The following DAPK1 variants were observed in gnomAD, a reference collection of about 807,000 sequenced individuals.
The protein encoded by DAPK1 is death-associated protein kinase 1.
Under a neutral mutation model 144.9 loss-of-function variants are expected in DAPK1, and 56 were observed. The observed-to-expected ratio is 0.39, with a 90% CI of 0.31 to 0.48. DAPK1 has a LOEUF of 0.48. DAPK1 is among the 20% of genes least tolerant of loss of function. The probability of loss-of-function intolerance (pLI) is 0.95; values close to 1 mark genes in which losing one functional copy is unlikely to be tolerated. For missense variants in DAPK1, 1,454 were observed against 1,875.4 expected (o/e 0.78, Z 4.15); for synonymous variants, 690 against 749.0 (o/e 0.92, Z 1.29).
chr9:87,498,430 G>C (rs972653051), intron 1 of DAPK1: 1 of 304,568 alleles, frequency 3.3e-6, no homozygotes, highest in Non-Finnish European at 6.0e-6. Flanking sequence ...GGGTCGGCCG[G>C]GTAACGGAGA....
intron 2 of DAPK1, among the ~76,000 whole-genome samples, chr9:87,578,141 A>T (rs2118808773): frequency 6.6e-6 from 1 of 152,358 alleles, no homozygotes; most frequent in South Asian, 2.1e-4. Context: ...TTTGAAAGAG[A>T]AAATAGGACT....
intron 3 of DAPK1, among the ~76,000 whole-genome samples, chr9:87,625,129 G>A (rs1240402561): frequency 6.7e-6 from 1 of 148,740 alleles, no homozygotes; most frequent in Non-Finnish European, 1.5e-5. Flanking sequence ...GAGAGTGTAT[G>A]GCCCAGGAAG....
chr9:87,632,705 T>C (rs996183525), intron 3 of DAPK1: 1 of 978,694 alleles, frequency 1.0e-6, no homozygotes, highest in Non-Finnish European at 1.2e-6. Flanking sequence ...TGAAGGAAGA[T>C]GAGTATACAT....
intron 1 of DAPK1, 30 bp downstream of exon 1, chr9:87,498,137 C>T (rs1824248774): frequency 1.8e-5 from 7 of 397,216 alleles, no homozygotes; most frequent in Non-Finnish European, 2.2e-5. Context: ...TCCCCGGTCC[C>T]CCCGACCCCC....
At chr9:87,500,233 CAG>C (rs753711497) in intron 2 of DAPK1, among the ~76,000 whole-genome samples, 26 of 152,078 alleles carry the variant, frequency 1.7e-4, no homozygotes, top group Non-Finnish European at 3.7e-4. Flanking sequence ...GTTACTGTAA[CAG>C]AGTATTTCTC....
At chr9:87,511,149 C>T (rs1185324740) in intron 2 of DAPK1, among the ~76,000 whole-genome samples, 1 of 152,192 alleles carries the variant, frequency 6.6e-6, no homozygotes, top group African/African-American at 2.4e-5. Context: ...CCTGTCTCTC[C>T]TTTGGCTCAG....
rs1048068641 is a variant in DAPK1 at position 87,686,269 on chromosome 9, C to T, written c.2225-282C>T. ...GTTGGCTGACCCTAAGCAGAAATCA[C>T]ATGGCAAGCCAGCCTAGAGACACAA... is the stretch of plus-strand genomic sequence containing the variant. On this transcript the variant is annotated intron_variant, in intron 20 of 25. Coordinates refer to ENST00000408954, the MANE Select transcript of DAPK1 (RefSeq NM_004938.4). The surrounding 1 kb of genome is among the most constrained non-coding windows in gnomAD (Gnocchi z 4.2). Among the ~76,000 whole-genome samples the T allele has an allele frequency of 2.0e-5, 3 of 152,160 alleles. No individual in the cohort carries two copies. Among genetic ancestry groups the T allele is most frequent in the Non-Finnish European group, 4.4e-5 (3 of 68,036 alleles).
At chr9:87,695,816 T>C (rs945442970) in intron 21 of DAPK1, among the ~76,000 whole-genome samples, 2 of 152,166 alleles carry the variant, frequency 1.3e-5, no homozygotes, top group Non-Finnish European at 2.9e-5. Flanking sequence ...CAATATCCTA[T>C]ACCCTGGCAC....
chr9:87,628,033 T>TG (rs1829546766), intron 3 of DAPK1, among the ~76,000 whole-genome samples: 1 of 152,230 alleles, frequency 6.6e-6, no homozygotes, highest in Admixed American at 6.5e-5. Flanking sequence ...ACCAGGCTAC[T>TG]GCCTGCAGTG....
chr9:87,705,378 C>T (rs1044729563), intron 25 of DAPK1, among the ~76,000 whole-genome samples: 1 of 151,666 alleles, frequency 6.6e-6, no homozygotes. Context: ...CAAGCCATCA[C>T]ACCCAACTAA....
In DAPK1 at chr9:87,706,148, G is replaced by C. The variant is rs199587488; in HGVS notation, c.3077G>C (p.Ser1026Thr). The change falls in exon 26 of 26, where the codon AGT (serine) becomes ACT (threonine). Residue 1026 changes from serine to threonine, a missense_variant. Coordinates refer to ENST00000408954, the MANE Select transcript of DAPK1 (RefSeq NM_004938.4). This position sits in a 1 kb window ranked among gnomAD's most constrained non-coding sequence, Gnocchi z 9.0. ...CCCCCGCAGATCAACATCATGCAAA[G>C]TGAAACAGTTCAGGACGTGCTGCTC... ...HSTGEINIMQ[S>T]ETVQDVLLLD... is the part of the protein sequence containing the mutation. 1 of 1,596,454 alleles carries C rather than the reference G, an allele frequency of 6.3e-7. No individual in the cohort carries two copies. The highest frequency in any genetic ancestry group is 1.7e-5 in the Admixed American group (1 of 59,408).
Position 87,639,771 on chromosome 9 carries a change from G to C in DAPK1, c.603-18G>C. On this transcript the variant is annotated intron_variant, in intron 6 of 25. Transcript: ENST00000408954. ...ATTCTTCTGACATGTTTTTTTGTTT[G>C]TTTTGTGTTGTTTTTAGGAGTATCG... 6.8e-6 allele frequency: 11 copies of C among 1,613,452 alleles called. No homozygotes were observed. Among genetic ancestry groups the C allele is most frequent in the Non-Finnish European group, 9.3e-6 (11 of 1,179,562 alleles).
intron 2 of DAPK1, among the ~76,000 whole-genome samples, chr9:87,592,254 G>A (rs563671141): frequency 3.0e-4 from 46 of 152,302 alleles, no homozygotes; most frequent in African/African-American, 9.9e-4. Flanking sequence ...CCAGCAAGAG[G>A]AAGGGCTTCC....
At chr9:87,627,561 A>G (rs963902863) in intron 3 of DAPK1, among the ~76,000 whole-genome samples, 2 of 152,128 alleles carry the variant, frequency 1.3e-5, no homozygotes, top group African/African-American at 4.8e-5. Context: ...CTAGACCCAA[A>G]GGAAAGATGC....
At chr9:87,596,815 T>C (rs1254104226) in intron 2 of DAPK1, among the ~76,000 whole-genome samples, 1 of 152,150 alleles carries the variant, frequency 6.6e-6, no homozygotes, top group Non-Finnish European at 1.5e-5. Context: ...CTCCAAAACG[T>C]GGTAGTTGAA....
chr9:87,694,817 G>A (rs2118001794), intron 21 of DAPK1, among the ~76,000 whole-genome samples: 1 of 152,298 alleles, frequency 6.6e-6, no homozygotes, highest in Admixed American at 6.5e-5. Context: ...GCAGGATGCA[G>A]TCTACGGGTG....
At chr9:87,662,560 G>GTTTTGTTTGT (rs1554700237) in intron 18 of DAPK1, among the ~76,000 whole-genome samples, 2 of 32,154 alleles carry the variant, frequency 6.2e-5, no homozygotes, top group African/African-American at 3.0e-4. Flanking sequence ...TATATTCCTA[G>GTTTTGTTTGT]TTTTTTTTTT....
chr9:87,506,429 G>T (rs946662422), intron 2 of DAPK1, among the ~76,000 whole-genome samples: 1 of 152,230 alleles, frequency 6.6e-6, no homozygotes, highest in Non-Finnish European at 1.5e-5. Context: ...AGTTTGGAAT[G>T]ATGTCAACAT....
chr9:87,554,812 AC>A (rs1478772821), intron 2 of DAPK1, among the ~76,000 whole-genome samples: 1 of 151,536 alleles, frequency 6.6e-6, no homozygotes. Context: ...CATTTCCCCC[AC>A]CCCCACCGGA....
Sources: allele counts gnomAD v4.1 joint callset (sites outside exome capture counted in the v4.1 genomes callset), GRCh38; gene constraint gnomAD v4.1.1; non-coding constraint Gnocchi (gnomAD v3.1); transcripts MANE v1.5; gene names NCBI Gene and HGNC (gene_info 2026-07-23, HGNC 2026-07-21).